GRM8: variants seen among roughly 807,000 people sequenced by gnomAD.
GRM8 encodes glutamate metabotropic receptor 8, also known as metabotropic glutamate receptor 8.
GRM8 carries 47 observed loss-of-function variants against 87.2 expected under a neutral mutation model. That is an observed-to-expected ratio of 0.54 (90% CI 0.43 to 0.69). GRM8 has a LOEUF of 0.69. GRM8 is among the 30% of genes least tolerant of loss of function. The probability of loss-of-function intolerance (pLI) is 0.00; values close to 1 mark genes in which losing one functional copy is unlikely to be tolerated. For synonymous variants in GRM8, 396 were observed against 404.5 expected (o/e 0.98, Z 0.25); for missense variants, 1,019 against 1,139.2 (o/e 0.89, Z 1.52).
intron 2 of GRM8, among the ~76,000 whole-genome samples, chr7:127,231,608 A>T (rs1797687631): frequency 6.6e-6 from 1 of 152,208 alleles, no homozygotes; most frequent in African/African-American, 2.4e-5. Context: ...CATTTGTATC[A>T]GAGATGATAG....
intron 9 of GRM8, among the ~76,000 whole-genome samples, chr7:126,527,186 C>A: frequency 6.6e-6 from 1 of 152,102 alleles, no homozygotes; most frequent in East Asian, 1.9e-4. Context: ...TGGTGAAACC[C>A]CATCTCTACT....
At chr7:127,045,504 CCTAT>C (rs1818843734) in intron 3 of GRM8, among the ~76,000 whole-genome samples, 1 of 152,084 alleles carries the variant, frequency 6.6e-6, no homozygotes, top group Non-Finnish European at 1.5e-5. Context: ...TCTATATCTA[CCTAT>C]CTATCCTGTA....
At chr7:126,528,513 A>AT (rs1263811223) in intron 9 of GRM8, among the ~76,000 whole-genome samples, 1 of 152,140 alleles carries the variant, frequency 6.6e-6, no homozygotes, top group African/African-American at 2.4e-5. Flanking sequence ...ACTGCCTATT[A>AT]TGTGCATGAA....
intron 6 of GRM8, among the ~76,000 whole-genome samples, chr7:126,846,369 A>C (rs1207870690): frequency 6.6e-6 from 1 of 152,344 alleles, no homozygotes; most frequent in East Asian, 1.9e-4. Context: ...GAGGTGACAA[A>C]ATCATTTCCT....
At chr7:126,491,216 A>C (rs1339287393) in intron 9 of GRM8, among the ~76,000 whole-genome samples, 1 of 152,036 alleles carries the variant, frequency 6.6e-6, no homozygotes, top group Non-Finnish European at 1.5e-5. Context: ...TATGGCTTTC[A>C]TGAAGTTATA....
chr7:126,833,897 C>A (rs371370091), intron 6 of GRM8, among the ~76,000 whole-genome samples: 3 of 152,044 alleles, frequency 2.0e-5, no homozygotes, highest in African/African-American at 7.2e-5. Context: ...ATCTGGGAGG[C>A]GGACAGAAAA....
At chr7:127,144,271 A>G (rs570486822) in intron 2 of GRM8, among the ~76,000 whole-genome samples, 58 of 152,116 alleles carry the variant, frequency 3.8e-4, no homozygotes, top group Non-Finnish European at 7.1e-4. Context: ...AGAAAAGAAT[A>G]AGTTCTTTAA....
chr7:126,598,616 G>A (rs974543165), intron 8 of GRM8, among the ~76,000 whole-genome samples: 1 of 151,642 alleles, frequency 6.6e-6, no homozygotes, highest in Non-Finnish European at 1.5e-5. Flanking sequence ...ATTAAGGCTG[G>A]AACAAAGTAG....
chr7:126,622,044 A>G (rs1800234454), intron 7 of GRM8, among the ~76,000 whole-genome samples: 2 of 152,164 alleles, frequency 1.3e-5, no homozygotes, highest in Non-Finnish European at 2.9e-5. Flanking sequence ...AATCACAGTC[A>G]TTGTACAATT....
chr7:126,664,487 A>G (rs1419348750), intron 7 of GRM8, among the ~76,000 whole-genome samples: 1 of 151,852 alleles, frequency 6.6e-6, no homozygotes, highest in African/African-American at 2.4e-5. Context: ...AAGTCATCCA[A>G]TCTTCAACAA....
At chr7:126,698,568 C>T (rs1809615962) in intron 7 of GRM8, among the ~76,000 whole-genome samples, 1 of 152,060 alleles carries the variant, frequency 6.6e-6, no homozygotes, top group Admixed American at 6.6e-5. Context: ...ATTTCCTATA[C>T]CTGGAATGAC....
At chr7:126,947,752 T>C (rs1251270444) in intron 3 of GRM8, among the ~76,000 whole-genome samples, 1 of 152,158 alleles carries the variant, frequency 6.6e-6, no homozygotes, top group Non-Finnish European at 1.5e-5. Context: ...GTGTCCTTTC[T>C]CTCAGTCGAA....
intron 6 of GRM8, among the ~76,000 whole-genome samples, chr7:126,819,698 A>G (rs937454381): frequency 1.3e-5 from 2 of 152,150 alleles, no homozygotes; most frequent in African/African-American, 2.4e-5. Context: ...AGCTCGTTCA[A>G]TACAACAAAA....
At chr7:126,892,398 G>A (rs1801129316) in intron 6 of GRM8, among the ~76,000 whole-genome samples, 1 of 151,954 alleles carries the variant, frequency 6.6e-6, no homozygotes, top group Non-Finnish European at 1.5e-5. Flanking sequence ...TTGGTTTTTT[G>A]TTCCTGCAAT....
intron 6 of GRM8, among the ~76,000 whole-genome samples, chr7:126,862,471 T>C (rs2130823347): frequency 6.6e-6 from 1 of 152,150 alleles, no homozygotes; most frequent in East Asian, 1.9e-4. Context: ...GTAAGTGCTC[T>C]TGGATTTTCT....
chr7:127,235,844 C>T (rs915486897), intron 2 of GRM8, among the ~76,000 whole-genome samples: 3 of 152,188 alleles, frequency 2.0e-5, no homozygotes, highest in Non-Finnish European at 4.4e-5. Context: ...TATTAACCAA[C>T]ATGGAAAATT....
At chr7:126,817,775 C>T (rs2151755145) in intron 6 of GRM8, among the ~76,000 whole-genome samples, 1 of 152,166 alleles carries the variant, frequency 6.6e-6, no homozygotes, top group African/African-American at 2.4e-5. Context: ...AATAACCCAC[C>T]TCAATGAAAA....
chr7:126,791,136 A>C lies in GRM8; in HGVS notation c.1157-21071T>G, dbSNP rs527877180. Among the ~76,000 whole-genome samples, 14 of 152,308 alleles carry C rather than the reference A, an allele frequency of 9.2e-5. 1 individual carries two copies. In the South Asian group the frequency reaches 2.9e-3, roughly 32 times the overall value. On this transcript the variant is annotated intron_variant, in intron 6 of 10. Coordinates refer to ENST00000339582, the MANE Select transcript of GRM8 (RefSeq NM_000845.3). The stretch of plus-strand genomic sequence containing the variant: ...GACAATGTGCAATAATGACTTGTAC[A>C]TCTCATACATGCAGTTATTACACCA...
At chr7:127,156,705 A>T (rs1267659569) in intron 2 of GRM8, among the ~76,000 whole-genome samples, 1 of 152,162 alleles carries the variant, frequency 6.6e-6, no homozygotes, top group African/African-American at 2.4e-5. Context: ...AATACACTGA[A>T]CAACTTACAC....
Sources: gnomAD v4.1 joint callset for allele counts (sites outside exome capture counted in the v4.1 genomes callset) on GRCh38, gnomAD v4.1.1 for gene constraint, MANE v1.5 for transcripts, NCBI Gene and HGNC (gene_info 2026-07-23, HGNC 2026-07-21) for gene names.